The following RALGAPA1 variants were observed in gnomAD, a reference collection of about 807,000 sequenced individuals.
The protein encoded by RALGAPA1 is Ral GTPase activating protein catalytic subunit alpha 1.
Under a neutral mutation model 269.6 loss-of-function variants are expected in RALGAPA1, and 52 were observed. The observed-to-expected ratio is 0.19, with a 90% CI of 0.15 to 0.24. The LOEUF (loss-of-function observed/expected upper bound fraction) is 0.24, where lower values mean the gene tolerates loss of function less well. Among genes scored for constraint, RALGAPA1 ranks in the 10% least tolerant of loss-of-function variants. RALGAPA1 has a pLI of 1.00. For synonymous variants in RALGAPA1, 817 were observed against 1,008.3 expected (o/e 0.81, Z 3.60); for missense variants, 1,917 against 3,013.9 (o/e 0.64, Z 8.52).
chr14:35,674,485 TCTC>T, intron 23 of RALGAPA1, 28 bp downstream of exon 23: 1 of 1,549,790 alleles, frequency 6.5e-7, no homozygotes, highest in Non-Finnish European at 8.7e-7. Context: ...TTTATTTTCT[TCTC>T]CACTTATATC....
chr14:35,592,125 T>C (rs1209364858), intron 37 of RALGAPA1, among the ~76,000 whole-genome samples: 3 of 152,170 alleles, frequency 2.0e-5, no homozygotes, highest in South Asian at 4.1e-4. Flanking sequence ...TATATCCCTA[T>C]TTTCTTGAAG....
At chr14:35,767,650 T>C (rs567782007) in intron 4 of RALGAPA1, among the ~76,000 whole-genome samples, 2 of 152,258 alleles carry the variant, frequency 1.3e-5, no homozygotes, top group African/African-American at 4.8e-5. Flanking sequence ...ACAGCGTCAC[T>C]GCACTCCAGT....
At chr14:35,615,843 T>A (rs2060215745) in intron 35 of RALGAPA1, among the ~76,000 whole-genome samples, 1 of 152,126 alleles carries the variant, frequency 6.6e-6, no homozygotes, top group Admixed American at 6.5e-5. Context: ...TGGGTTGAGC[T>A]CTAGACTGAA....
intron 7 of RALGAPA1, among the ~76,000 whole-genome samples, chr14:35,756,115 T>C (rs751214892): frequency 4.6e-5 from 7 of 152,212 alleles, no homozygotes; most frequent in Admixed American, 6.5e-5. Flanking sequence ...AGCTTTTCAT[T>C]TGAAGTATCA....
intron 37 of RALGAPA1, among the ~76,000 whole-genome samples, chr14:35,588,380 A>G (rs2058440732): frequency 6.6e-6 from 1 of 152,212 alleles, no homozygotes. Flanking sequence ...TGACATTTCT[A>G]CAAAGGTCAC....
At chr14:35,716,106 A>G in intron 16 of RALGAPA1, 2 of 984,600 alleles carry the variant, frequency 2.0e-6, no homozygotes, top group Non-Finnish European at 2.4e-6. Flanking sequence ...GAAAAAATTA[A>G]AAGATGGTGA....
At chr14:35,687,130 C>T (rs1014615181) in intron 18 of RALGAPA1, among the ~76,000 whole-genome samples, 3 of 152,138 alleles carry the variant, frequency 2.0e-5, no homozygotes, top group Admixed American at 2.0e-4. Context: ...TTTTGATATA[C>T]TGCTGTTTCT....
Position 35,539,512 on chromosome 14 carries a change from C to T in RALGAPA1, c.*202G>A. 1 of 1,606,476 alleles carries T rather than the reference C, an allele frequency of 6.2e-7. No individual in the cohort carries two copies. Among genetic ancestry groups the T allele is most frequent in the Non-Finnish European group, 8.5e-7 (1 of 1,176,878 alleles). On this transcript the variant is annotated 3_prime_UTR_variant, in exon 42 of 42. Coordinates refer to ENST00000680220, the MANE Select transcript of RALGAPA1 (RefSeq NM_001346249.2). ...CCCTATGTTCGTGCTAAGGTGGCTA[C>T]TGCTGATCACTGCTGGGCTGCTTGT...
rs2139087957 is a variant in RALGAPA1 at position 35,548,665 on chromosome 14, A to G, written c.7622-127T>C. On this transcript the variant is annotated intron_variant, in intron 40 of 41. Coordinates refer to ENST00000680220, the MANE Select transcript of RALGAPA1 (RefSeq NM_001346249.2). ...ATCATAAAATGCAGTACCCTCTTACACTCTTTAATTATTGTAACATAAATT... is the reference window on the plus strand; with the variant it reads ...ATCATAAAATGCAGTACCCTCTTACGCTCTTTAATTATTGTAACATAAATT... The G allele has an allele frequency of 8.5e-6, 5 of 590,458 alleles. No homozygotes were observed. The South Asian group carries it at 1.3e-4, about 16-fold the overall frequency. The allele number at this position is 590,458 out of a possible 1,614,324, so 36.6% of individuals were successfully genotyped here. A position where few individuals can be genotyped will look rare whatever the true frequency, so the allele number is the denominator to read the frequency against.
intron 39 of RALGAPA1, among the ~76,000 whole-genome samples, chr14:35,559,324 A>T (rs2055937465): frequency 6.6e-6 from 1 of 152,220 alleles, no homozygotes; most frequent in South Asian, 2.1e-4. Flanking sequence ...TCTGCTTTAC[A>T]TCCTTTCTTC....
chr14:35,708,950 T>C (rs8009492), intron 16 of RALGAPA1, among the ~76,000 whole-genome samples: 3,322 of 152,288 alleles, frequency 0.022, 121 homozygotes, highest in African/African-American at 0.075. Context: ...GAGGTCATTA[T>C]GTTAAGCAAA....
chr14:35,572,773 A>G, intron 37 of RALGAPA1, 55 bp from the exon 38 acceptor site: 1 of 1,199,062 alleles, frequency 8.3e-7, no homozygotes, highest in Non-Finnish European at 1.1e-6. Context: ...GAGTACAGTC[A>G]TACAGTCACA....
chr14:35,739,074 G>T (rs1330153612), intron 11 of RALGAPA1, among the ~76,000 whole-genome samples: 2 of 151,940 alleles, frequency 1.3e-5, no homozygotes, highest in Non-Finnish European at 2.9e-5. Flanking sequence ...TCCTACTTAG[G>T]AGTACTAAAA....
chr14:35,610,047 G>GA (rs572007133), intron 35 of RALGAPA1, among the ~76,000 whole-genome samples: 14 of 150,902 alleles, frequency 9.3e-5, no homozygotes, highest in East Asian at 7.8e-4. Context: ...AAACAATAGA[G>GA]AAAAAAATCA....
intron 16 of RALGAPA1, among the ~76,000 whole-genome samples, chr14:35,700,654 A>G (rs545556760): frequency 6.6e-6 from 1 of 152,338 alleles, no homozygotes; most frequent in South Asian, 2.1e-4. Context: ...ATAACTCAAT[A>G]TTAATAGTTC....
Position 35,664,668 on chromosome 14 carries a change from C to G in RALGAPA1, c.5302G>C (p.Ala1768Pro). The G allele has an allele frequency of 6.2e-7, 1 of 1,610,938 alleles. No individual in the cohort carries two copies. The highest frequency in any genetic ancestry group is 8.5e-7 in the Non-Finnish European group (1 of 1,178,890). Residue 1768 changes from alanine (A) to proline (P), a missense_variant, in exon 27 of 42, where the codon GCT becomes CCT. Ala to Pro is a conservative substitution (Grantham distance 27). This residue lies in a region of RALGAPA1 where 346 missense variants were observed against 566.1 expected (regional missense o/e 0.61). Coordinates refer to ENST00000680220, the MANE Select transcript of RALGAPA1 (RefSeq NM_001346249.2). ...TTAACATCTGTAAACTGAGACACAG[C>G]AACATCAGGAATGTTGGGATGAAGA... ...PSLHPNIPDV[A>P]VSQFTDVKEL...
intron 33 of RALGAPA1, among the ~76,000 whole-genome samples, chr14:35,634,369 A>C (rs1028888291): frequency 1.3e-5 from 2 of 152,256 alleles, no homozygotes; most frequent in Non-Finnish European, 2.9e-5. Flanking sequence ...CTGAATTTGC[A>C]TAAAAGCAAT....
At chr14:35,668,531 A>G (rs2064144360) in intron 26 of RALGAPA1, among the ~76,000 whole-genome samples, 1 of 151,962 alleles carries the variant, frequency 6.6e-6, no homozygotes, top group African/African-American at 2.4e-5. Context: ...GGTGCTCATG[A>G]CTGTAATCCC....
At chr14:35,646,419 T>A (rs761923226) in intron 31 of RALGAPA1, among the ~76,000 whole-genome samples, 5 of 152,178 alleles carry the variant, frequency 3.3e-5, no homozygotes, top group African/African-American at 4.8e-5. Flanking sequence ...TATAATGTAT[T>A]AAGAGGTGCA....
Sources: gnomAD v4.1 joint callset for allele counts (sites outside exome capture counted in the v4.1 genomes callset) on GRCh38, gnomAD v4.1.1 for gene constraint, gnomAD v4.1.1 regional missense constraint, MANE v1.5 for transcripts, NCBI Gene and HGNC (gene_info 2026-07-23, HGNC 2026-07-21) for gene names.